Variants in SLC52A1 observed in about 807,000 individuals in gnomAD.
The protein encoded by SLC52A1 is solute carrier family 52, riboflavin transporter, member 1.
SLC52A1 carries 20 observed loss-of-function variants against 23.2 expected under a neutral mutation model. The observed-to-expected ratio is 0.86, with a 90% confidence interval of 0.61 to 1.25. The LOEUF (loss-of-function observed/expected upper bound fraction) is 1.25, where lower values mean the gene tolerates loss of function less well. Among genes scored for constraint, SLC52A1 ranks in the 50% most tolerant of loss-of-function variants. The probability of loss-of-function intolerance (pLI) is 0.00; values close to 1 mark genes in which losing one functional copy is unlikely to be tolerated. For synonymous variants in SLC52A1, 260 were observed against 256.6 expected (o/e 1.01, Z -0.13); for missense variants, 528 against 557.0 (o/e 0.95, Z 0.52).
At chr17:5,042,381 G>C (rs1975554347) in intron 1 of SLC52A1, among the ~76,000 whole-genome samples, 2 of 152,144 alleles carry the variant, frequency 1.3e-5, no homozygotes, top group African/African-American at 4.8e-5. Flanking sequence ...TCCGGCAGCA[G>C]CTCTCCACCC....
In SLC52A1 at chr17:5,032,859, T is replaced by G; in HGVS notation, c.*98A>C. ...GTGCAGGTGTCCATGAGCGTTCCTGTGTTGGGGGAAGCCTGCCTGGGCCAC... is the reference window on the plus strand; with the variant it reads ...GTGCAGGTGTCCATGAGCGTTCCTGGGTTGGGGGAAGCCTGCCTGGGCCAC... On this transcript the variant is annotated 3_prime_UTR_variant, in exon 5 of 5. Transcript: ENST00000254853. 1.8e-6 allele frequency: 2 copies of G among 1,109,814 alleles called. No individual in the cohort carries two copies. Among genetic ancestry groups the G allele is most frequent in the Non-Finnish European group, 2.6e-6 (2 of 759,678 alleles). 68.7% of individuals were successfully genotyped at this position (1,109,814 alleles called of 1,614,324 possible).
In SLC52A1 at chr17:5,033,945, C is replaced by A. The variant is rs752883007; in HGVS notation, c.544G>T (p.Gly182Trp). 2 of 1,614,174 alleles carry A rather than the reference C, an allele frequency of 1.2e-6. No individual in the cohort carries two copies. Among genetic ancestry groups the A allele is most frequent in the South Asian group, 1.1e-5 (1 of 91,090 alleles). Reference protein sequence around the residue: ...CPPAPTNGTSGPPLDFPERFP... With the variant: ...CPPAPTNGTSWPPLDFPERFP... ...CGCTCAGGGAAGTCGAGGGGAGGCC[C>A]AGAGGTGCCATTGGTGGGCGCTGGT... Residue 182 changes from glycine (G) to tryptophan (W), a missense_variant, in exon 3 of 5, where the codon GGG (glycine) becomes TGG (tryptophan). By Grantham distance (184) the Gly-to-Trp change is radical. Coordinates refer to ENST00000254853, the MANE Select transcript of SLC52A1 (RefSeq NM_017986.4).
upstream of SLC52A1, among the ~76,000 whole-genome samples, chr17:5,039,334 A>AT (rs200417434): frequency 0.03 from 4,531 of 151,982 alleles, 216 homozygotes; most frequent in African/African-American, 0.1. Flanking sequence ...AAAAAAAAAA[A>AT]AAAATTCAGT....
chr17:5,038,731 C>T (rs1032266295), upstream of SLC52A1, among the ~76,000 whole-genome samples: 2 of 151,948 alleles, frequency 1.3e-5, no homozygotes, highest in East Asian at 2.0e-4. Context: ...GGACTACAGG[C>T]GCCCACCACC....
In SLC52A1 at chr17:5,033,322, G is replaced by A. The variant is rs2143427125; in HGVS notation, c.1073C>T (p.Ala358Val). 2 of 1,614,090 alleles carry A rather than the reference G, an allele frequency of 1.2e-6. No homozygotes were observed. Among genetic ancestry groups the A allele is most frequent in the Non-Finnish European group, 8.5e-7 (1 of 1,179,994 alleles). ...LGMLFGAYLM[A>V]LAILSPCPPL... Reference sequence around the variant, plus strand: ...TGGGCAGGGGCTCAGGATTGCCAGTGCCATCAGGTAGGCCCCAAAGAGCAT... The same window carrying A: ...TGGGCAGGGGCTCAGGATTGCCAGTACCATCAGGTAGGCCCCAAAGAGCAT... Residue 358 changes from alanine to valine, a missense_variant, in exon 4 of 5, where the codon GCA (alanine) becomes GTA (valine). Ala to Val is a moderately conservative substitution (Grantham distance 64). Coordinates refer to ENST00000254853, the MANE Select transcript of SLC52A1 (RefSeq NM_017986.4).
upstream of SLC52A1, among the ~76,000 whole-genome samples, chr17:5,036,856 C>T (rs911696081): frequency 2.6e-5 from 4 of 152,048 alleles, no homozygotes; most frequent in Non-Finnish European, 5.9e-5. Flanking sequence ...GAGAAAGTGT[C>T]TTCCTCAAAA....
upstream of SLC52A1, among the ~76,000 whole-genome samples, chr17:5,037,391 C>T (rs1359361939): frequency 6.6e-6 from 1 of 151,770 alleles, no homozygotes; most frequent in Non-Finnish European, 1.5e-5. Context: ...TGGTGGCGGG[C>T]GCCTGTAATC....
intron 1 of SLC52A1, among the ~76,000 whole-genome samples, chr17:5,040,570 T>A (rs1319986223): frequency 6.6e-6 from 1 of 152,102 alleles, no homozygotes; most frequent in Non-Finnish European, 1.5e-5. Flanking sequence ...AGCTTCTCCC[T>A]GAATTTTCAG....
chr17:5,037,505 C>T (rs947808680), upstream of SLC52A1, among the ~76,000 whole-genome samples: 3 of 151,980 alleles, frequency 2.0e-5, no homozygotes, highest in African/African-American at 7.3e-5. Flanking sequence ...GACAACAGAG[C>T]GAGACTCCAT....
Position 5,034,326 on chromosome 17 carries a change from C to A in SLC52A1, c.163G>T (p.Val55Leu), listed in dbSNP as rs1231595453. The A allele has an allele frequency of 6.9e-6, 11 of 1,588,810 alleles. No homozygotes were observed. The highest frequency in any genetic ancestry group is 8.6e-6 in the Non-Finnish European group (10 of 1,167,792). Reference protein sequence around the residue: ...WSLPSYLSVVVALGNLGLLVV... With the variant: ...WSLPSYLSVVLALGNLGLLVV... ...AGCAGACCCAGGTTTCCCAGCGCCA[C>A]AACCACAGAGAGGTATGAGGGGAGG... Residue 55 changes from valine to leucine, a missense_variant, in exon 3 of 5, where the codon GTG (valine) becomes TTG (leucine). Val to Leu is a conservative substitution (Grantham distance 32). Transcript: ENST00000254853.
At chr17:5,038,826 G>C (rs1348685016), upstream of SLC52A1, among the ~76,000 whole-genome samples, 1 of 151,900 alleles carries the variant, frequency 6.6e-6, no homozygotes, top group African/African-American at 2.4e-5. Flanking sequence ...CTGACCTCGT[G>C]ATCCGCCCAC....
chr17:5,034,829 G>A (rs564312208), intron 1 of SLC52A1, 32 bp downstream of exon 1: 24 of 506,784 alleles, frequency 4.7e-5, no homozygotes, highest in African/African-American at 3.5e-4. Flanking sequence ...GTGGCCGGGG[G>A]CGGGCGGGGA....
chr17:5,038,142 A>T (rs1246042402), upstream of SLC52A1, among the ~76,000 whole-genome samples: 1 of 148,418 alleles, frequency 6.7e-6, no homozygotes, highest in Non-Finnish European at 1.5e-5. Context: ...CTGGTCTTGA[A>T]CTCCTGACCT....
At position 5,041,477 on chromosome 17, in the gene SLC52A1, AT is replaced by A. The variant is rs1458589070; in HGVS notation, c.-107-6765del. Among the ~76,000 whole-genome samples, 6 of 143,152 alleles carry A rather than the reference AT, an allele frequency of 4.2e-5. No homozygotes were observed. In the East Asian group the frequency reaches 1.2e-3, roughly 29 times the overall value. The allele number at this position is 143,152 out of a possible 152,430, so 93.9% of individuals were successfully genotyped here. ...TTTTTTTGTTTCTTTGTTTTGTTTT[AT>A]TTTGTTTTGTTTTTCTGAGATGGAG... is the stretch of plus-strand genomic sequence containing the variant. On this transcript the variant is annotated intron_variant, in intron 1 of 3. Transcript: ENST00000512825.
chr17:5,033,736 C>T lies in SLC52A1; in HGVS notation c.753G>A (p.Leu251=). The change falls in exon 3 of 5, where the codon TTG becomes TTA. Residue 251 remains leucine (L), a synonymous_variant. Coordinates refer to ENST00000254853, the MANE Select transcript of SLC52A1 (RefSeq NM_017986.4). ...CCTGGCTCGGTGGCTCCTGCAATGG[C>T]AAAGCCTCTTCTTCCTCCTTCTCTT... is the stretch of plus-strand genomic sequence containing the variant. ...EEEEKEEEEA[L]PLQEPPSQAA... is the part of the protein sequence containing the mutation. 2 of 1,614,136 alleles carry T rather than the reference C, an allele frequency of 1.2e-6. No homozygotes were observed. The highest frequency in any genetic ancestry group is 1.7e-6 in the Non-Finnish European group (2 of 1,180,036).
intron 1 of SLC52A1, among the ~76,000 whole-genome samples, chr17:5,041,363 A>G (rs982600784): frequency 1.3e-5 from 2 of 151,710 alleles, no homozygotes; most frequent in Non-Finnish European, 2.9e-5. Context: ...GCTCACTGCA[A>G]CCTCTGCCTC....
chr17:5,034,825 G>C, intron 1 of SLC52A1, 36 bp downstream of exon 1: 1 of 507,764 alleles, frequency 2.0e-6, no homozygotes. Flanking sequence ...AGAGGTGGCC[G>C]GGGGCGGGCG....
chr17:5,036,502 T>C (rs1243660785), upstream of SLC52A1, among the ~76,000 whole-genome samples: 1 of 136,564 alleles, frequency 7.3e-6, no homozygotes, highest in African/African-American at 2.8e-5. Context: ...AGCTCCACCT[T>C]CCAGGTTCAC....
Position 5,034,162 on chromosome 17 carries a change from G to A in SLC52A1, c.327C>T (p.Leu109=), listed in dbSNP as rs762052516. ...CCAGAGTTAGGAAGGCCACAGAGTG[G>A]AGCTGCCCTGCCACTGGGGCCACGT... ...WHHVAPVAGQ[L]HSVAFLTLAL... is the part of the protein sequence containing the mutation. Residue 109 remains leucine, a synonymous_variant, in exon 3 of 5, where the codon CTC becomes CTT. Transcript: ENST00000254853. 6 of 1,614,082 alleles carry A rather than the reference G, an allele frequency of 3.7e-6. No homozygotes were observed. The highest frequency in any genetic ancestry group is 5.1e-6 in the Non-Finnish European group (6 of 1,179,946).
Sources: allele counts gnomAD v4.1 joint callset (sites outside exome capture counted in the v4.1 genomes callset), GRCh38; gene constraint gnomAD v4.1.1; transcripts MANE v1.5; gene names NCBI Gene and HGNC (gene_info 2026-07-23, HGNC 2026-07-21).